PUM2: variants seen among roughly 807,000 people sequenced by gnomAD.
The protein encoded by PUM2 is pumilio homolog 2.
PUM2 carries 57 observed loss-of-function variants against 124.5 expected under a neutral mutation model. The ratio of observed to expected loss-of-function variants is 0.46; its 90% confidence interval spans 0.37 to 0.57. The LOEUF is 0.57. Ranked by LOEUF, PUM2 falls within the 20% of genes least tolerant of loss-of-function variation. PUM2 has a pLI of 0.00. For synonymous variants in PUM2, 460 were observed against 446.1 expected (o/e 1.03, Z -0.39); for missense variants, 1,065 against 1,290.6 (o/e 0.83, Z 2.68).
In PUM2 at chr2:20,263,351, G is replaced by C; in HGVS notation, c.2067C>G (p.Leu689=). 6.2e-7 allele frequency: 1 copy of C among 1,614,210 alleles called. No homozygotes were observed. The highest frequency in any genetic ancestry group is 8.5e-7 in the Non-Finnish European group (1 of 1,180,028). Reference sequence around the variant, plus strand: ...TATACCGAAGCCGGGAAGGAGGAAAGAGCTGGCTGCTGGAGCTAAATAGAC... The same window carrying C: ...TATACCGAAGCCGGGAAGGAGGAAACAGCTGGCTGCTGGAGCTAAATAGAC... ...TSSLFSSSSQ[L]FPPSRLRYNR... Residue 689 remains leucine (L), a synonymous_variant, in exon 14 of 21, where the codon CTC becomes CTG. Coordinates refer to ENST00000361078, the MANE Select transcript of PUM2 (RefSeq NM_015317.5).
intron 2 of PUM2, chr2:20,326,333 C>G (rs942552791): frequency 7.7e-7 from 1 of 1,304,108 alleles, no homozygotes; most frequent in African/African-American, 1.5e-5. Context: ...GGTTAGCTAG[C>G]TGCAGGGTGC....
intron 1 of PUM2, among the ~76,000 whole-genome samples, chr2:20,349,591 T>C (rs2149196850): frequency 6.6e-6 from 1 of 152,302 alleles, no homozygotes; most frequent in East Asian, 1.9e-4. Flanking sequence ...AAGAGTCACC[T>C]GTTAAACACG....
intron 10 of PUM2, among the ~76,000 whole-genome samples, chr2:20,284,249 A>G (rs1672199754): frequency 6.6e-6 from 1 of 152,234 alleles, no homozygotes; most frequent in African/African-American, 2.4e-5. Flanking sequence ...CAGAGCAGTA[A>G]TAAGGCTTTA....
Position 20,312,237 on chromosome 2 carries a change from A to G in PUM2, c.347T>C (p.Phe116Ser). 1.3e-6 allele frequency: 2 copies of G among 1,585,956 alleles called. No homozygotes were observed. The highest frequency in any genetic ancestry group is 1.1e-5 in the South Asian group (1 of 88,452). Residue 116 changes from phenylalanine (F) to serine (S), a missense_variant and splice_region_variant, in exon 4 of 21, where the codon TTT becomes TCT. This residue lies in a region of PUM2 where 968 missense variants were observed against 1,159.8 expected (regional missense o/e 0.83). Coordinates refer to ENST00000361078, the MANE Select transcript of PUM2 (RefSeq NM_015317.5). Reference protein sequence around the residue: ...KLDSRFRKGNFGTRDAETDGP... With the variant: ...KLDSRFRKGNSGTRDAETDGP... ...TATTTCTTTATTCAAAATACTTACA[A>G]AATTTCCCTTCCTAAATCGAGAATC...
intron 13 of PUM2, among the ~76,000 whole-genome samples, chr2:20,265,097 A>C (rs1344664475): frequency 6.6e-6 from 1 of 151,942 alleles, no homozygotes; most frequent in African/African-American, 2.4e-5. Context: ...AAAATACAAA[A>C]AAAAATTAGC....
intron 7 of PUM2, among the ~76,000 whole-genome samples, chr2:20,305,687 T>C (rs2148491263): frequency 6.6e-6 from 1 of 152,170 alleles, no homozygotes; most frequent in South Asian, 2.1e-4. Flanking sequence ...GGGAAGACGA[T>C]TCAACTATTT....
chr2:20,282,506 A>T (rs551179182), intron 12 of PUM2, among the ~76,000 whole-genome samples: 4 of 152,334 alleles, frequency 2.6e-5, no homozygotes, highest in African/African-American at 9.6e-5. Flanking sequence ...AAACTGTAAT[A>T]AACTACCAGC....
At chr2:20,294,622 T>C in intron 8 of PUM2, 104 bp from the exon 9 acceptor site, 1 of 1,282,124 alleles carries the variant, frequency 7.8e-7, no homozygotes, top group South Asian at 1.6e-5. Flanking sequence ...GAAGAAGACT[T>C]AGAGAAGAAC....
chr2:20,329,937 C>A (rs750980241), intron 1 of PUM2, among the ~76,000 whole-genome samples: 10 of 151,816 alleles, frequency 6.6e-5, no homozygotes, highest in Non-Finnish European at 1.3e-4. Flanking sequence ...CAGAAATTCC[C>A]CCAAATTTAG....
chr2:20,263,924 T>C (rs1486972815), intron 13 of PUM2, among the ~76,000 whole-genome samples: 1 of 152,178 alleles, frequency 6.6e-6, no homozygotes, highest in Non-Finnish European at 1.5e-5. Context: ...TATACTTCTA[T>C]GTAAAAATAA....
At chr2:20,297,451 T>G (rs1164057555) in intron 8 of PUM2, 102 bp downstream of exon 8, 1 of 1,150,984 alleles carries the variant, frequency 8.7e-7, no homozygotes, top group Admixed American at 3.4e-5. Context: ...TCAGTTTTTC[T>G]TAGGAATTTC....
chr2:20,330,316 C>A (rs1443421114), intron 1 of PUM2, among the ~76,000 whole-genome samples: 1 of 152,150 alleles, frequency 6.6e-6, no homozygotes, highest in Non-Finnish European at 1.5e-5. Flanking sequence ...GCTCCTAAAA[C>A]CCCTGGAATC....
At chr2:20,339,067 A>AT (rs1218428510) in intron 1 of PUM2, among the ~76,000 whole-genome samples, 2 of 152,318 alleles carry the variant, frequency 1.3e-5, no homozygotes, top group African/African-American at 4.8e-5. Flanking sequence ...TATTTAATAA[A>AT]TTAGTTAATA....
intron 2 of PUM2, among the ~76,000 whole-genome samples, chr2:20,319,802 C>T (rs144095842): frequency 1.3e-5 from 2 of 152,226 alleles, no homozygotes; most frequent in East Asian, 3.9e-4. Flanking sequence ...TAAAGACATG[C>T]TAAGGAAGTT....
Position 20,258,386 on chromosome 2 carries a change from A to T in PUM2, c.2356-15T>A. Reference sequence around the variant, plus strand: ...AGACTCCCAAACTGACAGAAAAGATATAACATTAATAACAAGTGACCTTAA... The same window carrying T: ...AGACTCCCAAACTGACAGAAAAGATTTAACATTAATAACAAGTGACCTTAA... On this transcript the variant is annotated splice_polypyrimidine_tract_variant and intron_variant, in intron 15 of 20. Transcript: ENST00000361078. 6.2e-7 allele frequency: 1 copy of T among 1,608,340 alleles called. No individual in the cohort carries two copies. The highest frequency in any genetic ancestry group is 1.1e-5 in the South Asian group (1 of 90,172).
At chr2:20,255,995 G>C (rs1664675741) in intron 17 of PUM2, 38 bp downstream of exon 17, 1 of 1,492,582 alleles carries the variant, frequency 6.7e-7, no homozygotes, top group African/African-American at 1.5e-5. Flanking sequence ...CTAAAATAAT[G>C]CCCTGCTAAC....
intron 12 of PUM2, among the ~76,000 whole-genome samples, chr2:20,281,919 A>G (rs1303576517): frequency 6.6e-6 from 1 of 152,220 alleles, no homozygotes; most frequent in African/African-American, 2.4e-5. Context: ...TCCCTTAGAA[A>G]ACTGGCAAGC....
intron 13 of PUM2, among the ~76,000 whole-genome samples, chr2:20,268,425 AAC>A (rs1668217100): frequency 6.6e-6 from 1 of 152,172 alleles, no homozygotes; most frequent in Admixed American, 6.5e-5. Context: ...CAGCCTGGCC[AAC>A]ACAGTGAAAC....
intron 9 of PUM2, among the ~76,000 whole-genome samples, chr2:20,292,187 C>T (rs918446986): frequency 6.6e-6 from 1 of 151,384 alleles, no homozygotes; most frequent in Non-Finnish European, 1.5e-5. Flanking sequence ...GGGAGGTGGC[C>T]AAAATCCTGG....
Sources: allele counts gnomAD v4.1 joint callset (sites outside exome capture counted in the v4.1 genomes callset), GRCh38; gene constraint gnomAD v4.1.1; regional missense constraint gnomAD v4.1.1; transcripts MANE v1.5; gene names NCBI Gene and HGNC (gene_info 2026-07-23, HGNC 2026-07-21).